DRC11: variants seen among roughly 807,000 people sequenced by gnomAD.
DRC11 encodes IQ and AAA domain-containing protein 1.
chr2:236,317,869 C>G, the DRC11 span, among the ~76,000 whole-genome samples: 1 of 152,176 alleles, frequency 6.6e-6, no homozygotes, highest in African/African-American at 2.4e-5. The surrounding 1 kb of genome is among the most constrained non-coding windows in gnomAD (Gnocchi z 5.4). Flanking sequence ...GAGCTAGAAG[C>G]CTCTTTATGG....
the DRC11 span, among the ~76,000 whole-genome samples, chr2:236,418,046 C>T: frequency 6.6e-6 from 1 of 152,144 alleles, no homozygotes; most frequent in East Asian, 1.9e-4. Flanking sequence ...CACACGTGTG[C>T]ATGTGTCTTT....
At chr2:236,441,803 C>A in the DRC11 span, among the ~76,000 whole-genome samples, 1 of 152,158 alleles carries the variant, frequency 6.6e-6, no homozygotes, top group South Asian at 2.1e-4. Flanking sequence ...TTAGAGGTGA[C>A]CACCATGTTT....
the DRC11 span, among the ~76,000 whole-genome samples, chr2:236,420,590 T>C: frequency 1.3e-5 from 2 of 151,976 alleles, no homozygotes; most frequent in Non-Finnish European, 1.5e-5. This position sits in a 1 kb window ranked among gnomAD's most constrained non-coding sequence, Gnocchi z 4.8. Context: ...TATTTGGCCA[T>C]GCAAAAATGA....
the DRC11 span, among the ~76,000 whole-genome samples, chr2:236,388,927 G>A: frequency 6.6e-6 from 1 of 152,222 alleles, no homozygotes; most frequent in African/African-American, 2.4e-5. Flanking sequence ...AGCTGTGTGA[G>A]GTGTCAGTAT....
At chr2:236,433,521 C>T in the DRC11 span, among the ~76,000 whole-genome samples, 1 of 152,166 alleles carries the variant, frequency 6.6e-6, no homozygotes, top group Admixed American at 6.5e-5. Context: ...TAAATGGTCT[C>T]TTACATTACA....
chr2:236,307,351 A>T, the DRC11 span, among the ~76,000 whole-genome samples: 1 of 152,142 alleles, frequency 6.6e-6, no homozygotes, highest in African/African-American at 2.4e-5. The surrounding 1 kb of genome is among the most constrained non-coding windows in gnomAD (Gnocchi z 7.0). Flanking sequence ...TGCAAAAAGC[A>T]CCATTCAAAG....
At chr2:236,392,707 G>T in the DRC11 span, among the ~76,000 whole-genome samples, 1 of 152,054 alleles carries the variant, frequency 6.6e-6, no homozygotes, top group South Asian at 2.1e-4. This position sits in a 1 kb window ranked among gnomAD's most constrained non-coding sequence, Gnocchi z 5.1. Context: ...GACCTTTTTT[G>T]TAATGTTTTA....
At chr2:236,430,998 A>T in the DRC11 span, among the ~76,000 whole-genome samples, 2 of 152,218 alleles carry the variant, frequency 1.3e-5, no homozygotes, top group Non-Finnish European at 1.5e-5. This position sits in a 1 kb window ranked among gnomAD's most constrained non-coding sequence, Gnocchi z 6.0. Context: ...CTCAGGGCCA[A>T]ATCTGGCCTG....
chr2:236,427,873 T>C, the DRC11 span, among the ~76,000 whole-genome samples: 3 of 152,304 alleles, frequency 2.0e-5, no homozygotes, highest in East Asian at 5.8e-4. The surrounding 1 kb of genome is among the most constrained non-coding windows in gnomAD (Gnocchi z 5.9). Flanking sequence ...CATTTATTGC[T>C]AGAAATTTCC....
the DRC11 span, chr2:236,413,033 AAG>A: frequency 6.6e-6 from 1 of 152,164 alleles, no homozygotes; most frequent in Non-Finnish European, 1.5e-5. The surrounding 1 kb of genome is among the most constrained non-coding windows in gnomAD (Gnocchi z 4.0). Context: ...AGGCTCCTGA[AAG>A]AGTCTCCTGC....
chr2:236,444,047 TC>T, the DRC11 span, among the ~76,000 whole-genome samples: 1 of 152,174 alleles, frequency 6.6e-6, no homozygotes, highest in Non-Finnish European at 1.5e-5. Context: ...TTGTTTTTTT[TC>T]ATGTATATTT....
the DRC11 span, among the ~76,000 whole-genome samples, chr2:236,396,118 G>T: frequency 6.6e-6 from 1 of 151,878 alleles, no homozygotes; most frequent in African/African-American, 2.4e-5. Flanking sequence ...ACACTTTTGC[G>T]CAGGGCACTT....
the DRC11 span, among the ~76,000 whole-genome samples, chr2:236,446,919 G>A: frequency 3.3e-5 from 5 of 151,826 alleles, no homozygotes; most frequent in African/African-American, 4.9e-5. The surrounding 1 kb of genome is among the most constrained non-coding windows in gnomAD (Gnocchi z 6.2). Flanking sequence ...TGGGCGTGGG[G>A]TCTCTTGGGC....
the DRC11 span, chr2:236,392,346 G>A: frequency 6.4e-7 from 1 of 1,563,904 alleles, no homozygotes; most frequent in Non-Finnish European, 8.7e-7. The surrounding 1 kb of genome is among the most constrained non-coding windows in gnomAD (Gnocchi z 5.1). Flanking sequence ...TTTTCATCCA[G>A]ATTTCTACAC....
the DRC11 span, among the ~76,000 whole-genome samples, chr2:236,425,357 T>C: frequency 2.0e-5 from 3 of 152,026 alleles, no homozygotes; most frequent in Admixed American, 1.3e-4. Flanking sequence ...CCATCCTAAG[T>C]GTGAAGTAAT....
chr2:236,427,928 G>A, the DRC11 span, among the ~76,000 whole-genome samples: 1 of 151,978 alleles, frequency 6.6e-6, no homozygotes, highest in South Asian at 2.1e-4. The surrounding 1 kb of genome is among the most constrained non-coding windows in gnomAD (Gnocchi z 5.9). Context: ...TTAGTATGTT[G>A]TGTTTCCATT....
the DRC11 span, among the ~76,000 whole-genome samples, chr2:236,335,248 A>T: frequency 0.2 from 30,035 of 152,154 alleles, 3,078 homozygotes; most frequent in African/African-American, 0.26. The surrounding 1 kb of genome is among the most constrained non-coding windows in gnomAD (Gnocchi z 5.6). Context: ...TACTTTTGAT[A>T]GCTGCAAAGA....
the DRC11 span, among the ~76,000 whole-genome samples, chr2:236,449,358 G>A: frequency 6.6e-6 from 1 of 152,084 alleles, no homozygotes; most frequent in Admixed American, 6.5e-5. This position sits in a 1 kb window ranked among gnomAD's most constrained non-coding sequence, Gnocchi z 5.1. Flanking sequence ...ATTCTGTCAC[G>A]AAGCCAGGGC....
the DRC11 span, chr2:236,346,772 G>A: frequency 5.9e-6 from 1 of 168,068 alleles, no homozygotes; most frequent in African/African-American, 2.4e-5. Context: ...CAGCACTAGC[G>A]AAAGGCAGTC....
Sources: allele counts gnomAD v4.1 joint callset (sites outside exome capture counted in the v4.1 genomes callset), GRCh38; gene constraint gnomAD v4.1.1; non-coding constraint Gnocchi (gnomAD v3.1); transcripts MANE v1.5; gene names NCBI Gene and HGNC (gene_info 2026-07-23, HGNC 2026-07-21).